TMEM131L: variants seen among roughly 807,000 people sequenced by gnomAD.
TMEM131L encodes transmembrane 131 like.
A neutral mutation model predicts 192.2 loss-of-function variants in TMEM131L; 54 were observed. The ratio of observed to expected loss-of-function variants is 0.28; its 90% CI spans 0.23 to 0.35. The LOEUF is 0.35. TMEM131L is among the 10% of genes least tolerant of loss of function. The pLI is 1.00. For missense variants in TMEM131L, 1,888 were observed against 1,972.9 expected (o/e 0.96, Z 0.82); for synonymous variants, 701 against 704.9 (o/e 0.99, Z 0.09).
At chr4:153,552,341 A>T (rs767413604) in intron 4 of TMEM131L, among the ~76,000 whole-genome samples, 11 of 152,228 alleles carry the variant, frequency 7.2e-5, no homozygotes, top group Middle Eastern at 3.2e-3. Flanking sequence ...ATTCCAGTTC[A>T]TAGGTTCCTG....
chr4:153,536,474 G>A (rs550515378), intron 3 of TMEM131L, among the ~76,000 whole-genome samples: 39 of 152,356 alleles, frequency 2.6e-4, no homozygotes, highest in African/African-American at 8.7e-4. Context: ...CTGCAGTGCA[G>A]CCTCTAGCTG....
Position 153,604,023 on chromosome 4 carries a change from A to G in TMEM131L, c.3011A>G (p.Glu1004Gly). ...AASSTSTTTE[E>G]KQTSPLGSSL... Reference sequence around the variant, plus strand: ...AGCAGCACCAGCACGACTACTGAGGAAAAACAGACTTCACCCCTGGGCAGC... The same window carrying G: ...AGCAGCACCAGCACGACTACTGAGGGAAAACAGACTTCACCCCTGGGCAGC... Residue 1004 changes from glutamate (E) to glycine (G), a missense_variant, in exon 25 of 35, where the codon GAA becomes GGA. Transcript: ENST00000409959. 1 of 1,614,190 alleles carries G rather than the reference A, an allele frequency of 6.2e-7. No individual in the cohort carries two copies. Among genetic ancestry groups the G allele is most frequent in the South Asian group, 1.1e-5 (1 of 91,086 alleles).
chr4:153,567,631 G>A (rs1416195408), intron 7 of TMEM131L, among the ~76,000 whole-genome samples: 3 of 149,958 alleles, frequency 2.0e-5, no homozygotes, highest in African/African-American at 4.9e-5. Flanking sequence ...TGCAACCTCC[G>A]CCTCCAGTGT....
At chr4:153,558,556 G>A in intron 7 of TMEM131L, 188 bp downstream of exon 7, 1 of 404,606 alleles carries the variant, frequency 2.5e-6, no homozygotes, top group Admixed American at 3.7e-5. Context: ...TGATATTCCA[G>A]AGTTTGCTTA....
intron 3 of TMEM131L, among the ~76,000 whole-genome samples, chr4:153,543,791 T>C (rs1181413061): frequency 6.6e-6 from 1 of 152,246 alleles, no homozygotes; most frequent in Non-Finnish European, 1.5e-5. Context: ...CCAAGGAGAT[T>C]AATGCAGGGA....
intron 3 of TMEM131L, among the ~76,000 whole-genome samples, chr4:153,533,044 G>A (rs1483688955): frequency 6.8e-6 from 1 of 147,228 alleles, no homozygotes; most frequent in African/African-American, 2.5e-5. Flanking sequence ...GGAGTGCAGT[G>A]TTGGCGATCT....
At chr4:153,601,939 C>T (rs1208427266) in intron 21 of TMEM131L, 1 of 331,702 alleles carries the variant, frequency 3.0e-6, no homozygotes, top group Non-Finnish European at 5.3e-6. Context: ...AAAGTCTTGC[C>T]TACTTAAGTA....
At chr4:153,547,655 T>G (rs1293699827) in intron 3 of TMEM131L, among the ~76,000 whole-genome samples, 1 of 152,252 alleles carries the variant, frequency 6.6e-6, no homozygotes, top group Non-Finnish European at 1.5e-5. Context: ...TGACTGATAC[T>G]CTCAGGGCTG....
At chr4:153,603,601 T>C in intron 24 of TMEM131L, 149 bp downstream of exon 24, 1 of 1,013,688 alleles carries the variant, frequency 9.9e-7, no homozygotes, top group Non-Finnish European at 1.4e-6. Flanking sequence ...GCTGCCCCAT[T>C]ATTATTATGA....
rs897098508 is a variant in TMEM131L, at chr4:153,623,816, G to A, written c.4045+733G>A. On this transcript the variant is annotated intron_variant, in intron 29 of 34. Transcript: ENST00000409959. Reference sequence around the variant, plus strand: ...GTCCCTTATTTTTGAGAAAGTTTGAGAAAGTTAAAGATGTCGGAGAGGTCA... The same window carrying A: ...GTCCCTTATTTTTGAGAAAGTTTGAAAAAGTTAAAGATGTCGGAGAGGTCA... 5.9e-5 allele frequency among the ~76,000 whole-genome samples: 9 copies of A among 152,154 alleles called. No homozygotes were observed. In the South Asian group the frequency reaches 1.9e-3, roughly 32 times the overall value.
chr4:153,613,753 G>A (rs191211346), intron 26 of TMEM131L, among the ~76,000 whole-genome samples: 1 of 152,200 alleles, frequency 6.6e-6, no homozygotes, highest in Non-Finnish European at 1.5e-5. Context: ...ACTCACAAAT[G>A]AGGTTTGCAA....
chr4:153,531,168 A>T (rs1190059073), intron 3 of TMEM131L, among the ~76,000 whole-genome samples: 1 of 152,206 alleles, frequency 6.6e-6, no homozygotes. Flanking sequence ...TAGTGGATGC[A>T]TGTACACTGG....
intron 13 of TMEM131L, 147 bp downstream of exon 13, chr4:153,585,758 C>T (rs1730661469): frequency 4.0e-6 from 2 of 504,330 alleles, no homozygotes; most frequent in African/African-American, 2.0e-5. Flanking sequence ...ATTTTTAAAA[C>T]ATGTATTTTT....
intron 3 of TMEM131L, among the ~76,000 whole-genome samples, chr4:153,546,286 A>G (rs1737170974): frequency 6.6e-6 from 1 of 150,426 alleles, no homozygotes; most frequent in Admixed American, 6.6e-5. Context: ...GCATAAATTT[A>G]TCATTGATTT....
chr4:153,570,246 G>A (rs1040945968), intron 7 of TMEM131L, among the ~76,000 whole-genome samples: 2 of 152,114 alleles, frequency 1.3e-5, no homozygotes, highest in Admixed American at 1.3e-4. Context: ...ATTGGAAAAC[G>A]TGTCCCCCCA....
chr4:153,566,013 T>C (rs547792264), intron 7 of TMEM131L, among the ~76,000 whole-genome samples: 1 of 152,346 alleles, frequency 6.6e-6, no homozygotes, highest in Admixed American at 6.5e-5. Flanking sequence ...TCTCAGAATC[T>C]GGCATTTAGG....
chr4:153,556,558 T>TA (rs2066113556), intron 5 of TMEM131L, among the ~76,000 whole-genome samples: 1 of 152,186 alleles, frequency 6.6e-6, no homozygotes, highest in Non-Finnish European at 1.5e-5. Context: ...GGAAGCCCAA[T>TA]ATTTGGTTTA....
chr4:153,558,408 A>G (rs1728627353), intron 7 of TMEM131L, 40 bp downstream of exon 7: 1 of 1,239,588 alleles, frequency 8.1e-7, no homozygotes. Context: ...GGTGGCCACC[A>G]AACTTTGTAA....
At chr4:153,521,901 A>C (rs1018010199) in intron 3 of TMEM131L, among the ~76,000 whole-genome samples, 15 of 150,530 alleles carry the variant, frequency 1.0e-4, no homozygotes, top group Admixed American at 7.9e-4. Flanking sequence ...TTGTTATTAC[A>C]CAAGAAGTGC....
Sources: gnomAD v4.1 joint callset for allele counts (sites outside exome capture counted in the v4.1 genomes callset) on GRCh38, gnomAD v4.1.1 for gene constraint, MANE v1.5 for transcripts, NCBI Gene and HGNC (gene_info 2026-07-23, HGNC 2026-07-21) for gene names.